Variants in ZNF236 observed in about 807,000 individuals in gnomAD.
ZNF236 encodes the protein zinc finger protein 236.
Under a neutral mutation model 191.2 loss-of-function variants are expected in ZNF236, and 50 were observed. The observed-to-expected ratio is 0.26, with a 90% CI of 0.21 to 0.33. The LOEUF (loss-of-function observed/expected upper bound fraction) is 0.33. ZNF236 is among the 10% of genes least tolerant of loss of function. The pLI, the probability that ZNF236 is intolerant of heterozygous loss-of-function variation, is 1.00. For missense variants in ZNF236, 1,754 were observed against 2,374.5 expected (o/e 0.74, Z 5.43); for synonymous variants, 907 against 928.8 (o/e 0.98, Z 0.43).
At chr18:76,957,150 G>C (rs766400008) in intron 28 of ZNF236, among the ~76,000 whole-genome samples, 31 of 152,242 alleles carry the variant, frequency 2.0e-4, no homozygotes, top group Admixed American at 5.2e-4. Context: ...GTGTATGTTG[G>C]GGGGGTGGGG....
In ZNF236 at chr18:76,955,993, C is replaced by A; in HGVS notation, c.4923C>A (p.Gly1641=). The A allele has an allele frequency of 6.2e-7, 1 of 1,608,568 alleles. No homozygotes were observed. Among genetic ancestry groups the A allele is most frequent in the African/African-American group, 1.3e-5 (1 of 75,006 alleles). Reference sequence around the variant, plus strand: ...TTTCTGGCTCTTTCCAGGTAGCTGGCGTCTCTGGGAACCTGGCCCCGGGCA... The same window carrying A: ...TTTCTGGCTCTTTCCAGGTAGCTGGAGTCTCTGGGAACCTGGCCCCGGGCA... ...ACEEIAYQVA[G]VSGNLAPGNQ... The change falls in exon 28 of 31, where the codon GGC becomes GGA. Residue 1641 remains glycine (G), a synonymous_variant. Coordinates refer to ENST00000320610, the MANE Select transcript of ZNF236 (RefSeq NM_001306089.2).
intron 30 of ZNF236, among the ~76,000 whole-genome samples, chr18:76,967,021 G>A (rs559071970): frequency 5.8e-4 from 88 of 151,684 alleles, no homozygotes; most frequent in African/African-American, 2.1e-3. Context: ...GATGTGATTC[G>A]TGAAATGTGT....
intron 25 of ZNF236, among the ~76,000 whole-genome samples, chr18:76,930,636 C>T (rs1052896535): frequency 3.9e-5 from 6 of 152,172 alleles, no homozygotes; most frequent in Non-Finnish European, 7.3e-5. Flanking sequence ...ACACAGCACA[C>T]GGGAAACCGC....
chr18:76,895,370 G>A, intron 10 of ZNF236, 85 bp downstream of exon 10: 1 of 1,532,452 alleles, frequency 6.5e-7, no homozygotes, highest in Non-Finnish European at 8.8e-7. Context: ...CACAGGTATG[G>A]CACACAGTAG....
intron 6 of ZNF236, among the ~76,000 whole-genome samples, chr18:76,876,430 T>TA (rs143833245): frequency 5.1e-4 from 77 of 152,344 alleles, no homozygotes; most frequent in South Asian, 3.9e-3. Context: ...AATAATACCT[T>TA]AACTAACACT....
chr18:76,965,953 G>A (rs1968763818), intron 30 of ZNF236, among the ~76,000 whole-genome samples: 1 of 152,210 alleles, frequency 6.6e-6, no homozygotes, highest in South Asian at 2.1e-4. Flanking sequence ...CCTCCCAAGA[G>A]TATATGCCCT....
intron 25 of ZNF236, among the ~76,000 whole-genome samples, chr18:76,928,726 A>G (rs1967773298): frequency 6.6e-6 from 1 of 152,074 alleles, no homozygotes; most frequent in Non-Finnish European, 1.5e-5. Flanking sequence ...CTTACGTATC[A>G]TTAATTCCCA....
At chr18:76,945,373 G>A (rs968542705) in intron 26 of ZNF236, among the ~76,000 whole-genome samples, 18 of 152,202 alleles carry the variant, frequency 1.2e-4, no homozygotes, top group Admixed American at 3.3e-4. Context: ...GATAAGGGTG[G>A]TGGCAGCAGC....
At chr18:76,852,714 AAAAGTT>A (rs1412743641) in intron 3 of ZNF236, among the ~76,000 whole-genome samples, 1 of 152,184 alleles carries the variant, frequency 6.6e-6, no homozygotes, top group Non-Finnish European at 1.5e-5. Flanking sequence ...GGAAGATACA[AAAAGTT>A]AAAGGAGAAA....
chr18:76,901,898 T>C (rs1217029223), intron 11 of ZNF236, among the ~76,000 whole-genome samples: 1 of 152,244 alleles, frequency 6.6e-6, no homozygotes, highest in Non-Finnish European at 1.5e-5. Flanking sequence ...TTGATATCCT[T>C]GTCCAGTTTT....
Position 76,921,071 on chromosome 18 carries a change from G to C in ZNF236, c.3557+1013G>C, listed in dbSNP as rs928007683. Among the ~76,000 whole-genome samples, 21 of 152,212 alleles carry C rather than the reference G, an allele frequency of 1.4e-4. 1 individual carries two copies. The highest frequency in any genetic ancestry group is 5.1e-4 in the African/African-American group (21 of 41,460). Reference sequence around the variant, plus strand: ...CAGAAAACCAAAGGGTGTGTTCCTTGTACTCTGTTCTACAGAGGACAGCAG... The same window carrying C: ...CAGAAAACCAAAGGGTGTGTTCCTTCTACTCTGTTCTACAGAGGACAGCAG... On this transcript the variant is annotated intron_variant, in intron 20 of 30. Coordinates refer to ENST00000320610, the MANE Select transcript of ZNF236 (RefSeq NM_001306089.2).
chr18:76,937,076 G>A, intron 25 of ZNF236, 80 bp from the exon 26 acceptor site: 1 of 1,325,218 alleles, frequency 7.5e-7, no homozygotes, highest in Non-Finnish European at 1.1e-6. Context: ...CCTGCAGGTG[G>A]GAGCATCGCT....
intron 3 of ZNF236, among the ~76,000 whole-genome samples, chr18:76,858,919 A>G (rs1357261703): frequency 3.4e-3 from 19 of 5,544 alleles, no homozygotes; most frequent in Admixed American, 8.3e-3. Context: ...GGTGGAGGAG[A>G]AAGGGGGAGA....
chr18:76,868,983 A>G (rs1976507086), intron 4 of ZNF236, 120 bp downstream of exon 4: 1 of 950,414 alleles, frequency 1.1e-6, no homozygotes, highest in Non-Finnish European at 1.5e-6. Context: ...AACCCCACAG[A>G]TAATTTGGTG....
chr18:76,881,237 G>A, intron 8 of ZNF236, 47 bp from the exon 9 acceptor site: 1 of 1,543,566 alleles, frequency 6.5e-7, no homozygotes, highest in Non-Finnish European at 8.8e-7. Context: ...GGTAGGCAGA[G>A]TTGGGCCATC....
Position 76,960,734 on chromosome 18 carries a change from G to T in ZNF236, c.5298G>T (p.Ala1766=). Residue 1766 remains alanine, a synonymous_variant, in exon 30 of 31, where the codon GCG becomes GCT. Transcript: ENST00000320610. This position sits in a 1 kb window ranked among gnomAD's most constrained non-coding sequence, Gnocchi z 4.4. ...LCEKAFNQKS[A]LQVHMKKHTG... ...AGAAAGCCTTCAACCAGAAGAGTGC[G>T]CTGCAGGTGCACATGAAGAAGCACA... 6.2e-7 allele frequency: 1 copy of T among 1,614,192 alleles called. No individual in the cohort carries two copies.
chr18:76,952,719 G>A (rs1192871408), intron 27 of ZNF236, among the ~76,000 whole-genome samples: 1 of 152,206 alleles, frequency 6.6e-6, no homozygotes, highest in East Asian at 1.9e-4. Context: ...GAGGCAGGAG[G>A]ACTGCTTGAG....
intron 3 of ZNF236, among the ~76,000 whole-genome samples, chr18:76,864,654 G>A (rs1976351574): frequency 6.6e-6 from 1 of 150,508 alleles, no homozygotes; most frequent in Non-Finnish European, 1.5e-5. Flanking sequence ...ATAGTTGATG[G>A]TCGAAGCAGA....
At chr18:76,874,002 C>T (rs1976649443) in intron 5 of ZNF236, among the ~76,000 whole-genome samples, 1 of 149,710 alleles carries the variant, frequency 6.7e-6, no homozygotes, top group Non-Finnish European at 1.5e-5. Flanking sequence ...GACTGGGCCA[C>T]ACTCACCGTG....
Sources: gnomAD v4.1 joint callset for allele counts (sites outside exome capture counted in the v4.1 genomes callset) on GRCh38, gnomAD v4.1.1 for gene constraint, Gnocchi (gnomAD v3.1) non-coding constraint, MANE v1.5 for transcripts, NCBI Gene and HGNC (gene_info 2026-07-23, HGNC 2026-07-21) for gene names.